The following ATG2B variants were observed in gnomAD, a reference collection of about 807,000 sequenced individuals.
ATG2B encodes autophagy related 2B, also known as autophagy-related protein 2 homolog B.
In ATG2B, 121 loss-of-function variants were observed where a neutral mutation model predicts 241.3. That is an observed-to-expected ratio of 0.50 (90% CI 0.43 to 0.58). The LOEUF (loss-of-function observed/expected upper bound fraction) is 0.58. Among genes scored for constraint, ATG2B ranks in the 20% least tolerant of loss-of-function variants. ATG2B has a pLI of 0.00. For missense variants in ATG2B, 2,306 were observed against 2,491.6 expected, an observed-to-expected ratio of 0.93 and a Z score of 1.59; for synonymous variants, 858 against 876.6, an observed-to-expected ratio of 0.98 and a Z score of 0.37.
chr14:96,333,969 C>T, intron 7 of ATG2B, 96 bp from the exon 8 acceptor site: 2 of 1,007,534 alleles, frequency 2.0e-6, no homozygotes. Context: ...ACAATGGCAA[C>T]TTAACACCAC....
In ATG2B at chr14:96,295,337, T is replaced by C. The variant is rs146136916; in HGVS notation, c.5218+145A>G. The C allele has an allele frequency of 6.6e-3, 5,425 of 820,834 alleles. 172 individuals carry two copies. The highest frequency in any genetic ancestry group is 0.064 in the South Asian group (3,414 of 53,076). The allele number at this position is 820,834 out of a possible 1,614,324, so 50.8% of individuals were successfully genotyped here. A position where few individuals can be genotyped will look rare whatever the true frequency, so the allele number is the denominator to read the frequency against. On this transcript the variant is annotated intron_variant, in intron 35 of 41. Coordinates refer to ENST00000359933, the MANE Select transcript of ATG2B (RefSeq NM_018036.7). ...TAAATTATTACTTTTATATAAACAG[T>C]ATTCGCGAATCAACAAAAATAAACA...
chr14:96,297,881 T>C (rs1427474495), intron 34 of ATG2B, among the ~76,000 whole-genome samples: 1 of 152,012 alleles, frequency 6.6e-6, no homozygotes, highest in Non-Finnish European at 1.5e-5. Flanking sequence ...AGCCTCCACC[T>C]CCTGAGTTCA....
intron 1 of ATG2B, among the ~76,000 whole-genome samples, chr14:96,352,458 T>C (rs776095664): frequency 5.3e-5 from 8 of 152,096 alleles, no homozygotes; most frequent in Admixed American, 2.0e-4. Context: ...ATTGTTATCA[T>C]AGGAAAGGAC....
At chr14:96,315,655 TCAAAA>T in intron 21 of ATG2B, 72 bp from the exon 22 acceptor site, 1 of 1,245,612 alleles carries the variant, frequency 8.0e-7, no homozygotes, top group South Asian at 1.3e-5. Context: ...CTTACATGAC[TCAAAA>T]CAAAAATCCA....
intron 6 of ATG2B, among the ~76,000 whole-genome samples, chr14:96,334,723 G>A (rs1321417093): frequency 1.3e-5 from 2 of 152,134 alleles, no homozygotes; most frequent in Non-Finnish European, 2.9e-5. Context: ...ATTCCATGCT[G>A]ACGAGTCCAA....
rs1231778639 is a variant in ATG2B at position 96,285,239 on chromosome 14, ATGT to A, written c.*513_*515del. The A allele has an allele frequency of 6.5e-6, 1 of 154,952 alleles. No homozygotes were observed. Among genetic ancestry groups the A allele is most frequent in the East Asian group, 1.9e-4 (1 of 5,294 alleles). The allele number at this position is 154,952 out of a possible 1,614,324, so 9.6% of individuals were successfully genotyped here. A position where few individuals can be genotyped will look rare whatever the true frequency, so the allele number is the denominator to read the frequency against. On this transcript the variant is annotated 3_prime_UTR_variant, in exon 42 of 42. Coordinates refer to ENST00000359933, the MANE Select transcript of ATG2B (RefSeq NM_018036.7). The surrounding 1 kb of genome is among the most constrained non-coding windows in gnomAD (Gnocchi z 4.2). ...AGGATTTTCGGAGTAAATGGAAATA[ATGT>A]TGTTCTCAAGTGCATGAACACTAAA...
At position 96,291,673 on chromosome 14, in the gene ATG2B, C is replaced by T. The variant is rs763089088; in HGVS notation, c.5506G>A (p.Ala1836Thr). ...KHVSMDQGTL[A>T]GILIGLAQLN... ...TGAGCCAGACCAATCAAAATCCCAGCTAGCGTACCCTTCAAAATTAAAAAA... is the reference window on the plus strand; with the variant it reads ...TGAGCCAGACCAATCAAAATCCCAGTTAGCGTACCCTTCAAAATTAAAAAA... The change falls in exon 38 of 42, where the codon GCT becomes ACT. Residue 1836 changes from alanine (A) to threonine (T), a missense_variant. By Grantham distance (58) the Ala-to-Thr change is moderately conservative. Transcript: ENST00000359933. 3.1e-6 allele frequency: 5 copies of T among 1,604,132 alleles called. No individual in the cohort carries two copies. The highest frequency in any genetic ancestry group is 4.3e-6 in the Non-Finnish European group (5 of 1,173,806).
chr14:96,329,570 T>C lies in ATG2B; in HGVS notation c.1795A>G (p.Ser599Gly), dbSNP rs772743485. The C allele has an allele frequency of 6.2e-7, 1 of 1,611,068 alleles. No homozygotes were observed. Among genetic ancestry groups the C allele is most frequent in the Non-Finnish European group, 8.5e-7 (1 of 1,177,454 alleles). ...QRQRSASRYFSTDMSIGQMEF... is the reference protein window; with the variant it reads ...QRQRSASRYFGTDMSIGQMEF... ...ATTTGCCCAATGGACATATCAGTACTAAAATATCGGGAAGCTGATCTTTGT... is the reference window on the plus strand; with the variant it reads ...ATTTGCCCAATGGACATATCAGTACCAAAATATCGGGAAGCTGATCTTTGT... The change falls in exon 12 of 42, where the codon AGT becomes GGT. Residue 599 changes from serine to glycine, a missense_variant. By Grantham distance (56) the Ser-to-Gly change is moderately conservative. Coordinates refer to ENST00000359933, the MANE Select transcript of ATG2B (RefSeq NM_018036.7).
chr14:96,342,728 AAAAAAC>A (rs1888073694), intron 5 of ATG2B, among the ~76,000 whole-genome samples: 1 of 151,814 alleles, frequency 6.6e-6, no homozygotes, highest in Admixed American at 6.6e-5. Flanking sequence ...AAAAAAAAAA[AAAAAAC>A]AAACATAAAT....
chr14:96,348,547 G>A (rs1014189458), intron 1 of ATG2B, among the ~76,000 whole-genome samples: 15 of 151,912 alleles, frequency 9.9e-5, no homozygotes, highest in Admixed American at 9.8e-4. Context: ...GCCAGGCGTG[G>A]TAGGACGTGC....
rs554109314 is a variant in ATG2B, at chr14:96,309,236, A to G, written c.4303+217T>C. 1.8e-3 allele frequency among the ~76,000 whole-genome samples: 281 copies of G among 152,356 alleles called. 1 individual carries two copies. Among genetic ancestry groups the G allele is most frequent in the Non-Finnish European group, 2.8e-3 (190 of 68,032 alleles). ...ACTAGGCTACAAGCTACCAGAAAACATAAGCACTGTCTTCTACTCACTCTG... is the reference window on the plus strand; with the variant it reads ...ACTAGGCTACAAGCTACCAGAAAACGTAAGCACTGTCTTCTACTCACTCTG... On this transcript the variant is annotated intron_variant, in intron 29 of 41. Transcript: ENST00000359933.
Position 96,301,991 on chromosome 14 carries a change from C to A in ATG2B, c.5139+16G>T. ...AATCTAACTGTAACGGCAGGAATCA[C>A]GCTCATGCTACAAACCTGGTCAATA... On this transcript the variant is annotated intron_variant, in intron 34 of 41. Transcript: ENST00000359933. 3 of 1,587,060 alleles carry A rather than the reference C, an allele frequency of 1.9e-6. No individual in the cohort carries two copies. Among genetic ancestry groups the A allele is most frequent in the Non-Finnish European group, 2.6e-6 (3 of 1,157,212 alleles).
At chr14:96,338,042 G>A (rs1276156596) in intron 6 of ATG2B, among the ~76,000 whole-genome samples, 2 of 151,494 alleles carry the variant, frequency 1.3e-5, no homozygotes, top group East Asian at 3.9e-4. Flanking sequence ...TATTTTATTT[G>A]CAGCTATTGT....
chr14:96,355,731 G>T (rs961957336), intron 1 of ATG2B, among the ~76,000 whole-genome samples: 1 of 151,966 alleles, frequency 6.6e-6, no homozygotes, highest in African/African-American at 2.4e-5. Flanking sequence ...CTCAAGGTGT[G>T]CTTGACAATA....
intron 35 of ATG2B, 144 bp from the exon 36 acceptor site, chr14:96,295,311 T>G (rs958712465): frequency 1.4e-5 from 13 of 960,818 alleles, no homozygotes; most frequent in Non-Finnish European, 2.0e-5. Flanking sequence ...CTTTCACCTT[T>G]TAAATTATTA....
Position 96,289,473 on chromosome 14 carries a change from T to C in ATG2B, c.6006+183A>G, listed in dbSNP as rs1268543457. On this transcript the variant is annotated intron_variant, in intron 41 of 41. Transcript: ENST00000359933. This position sits in a 1 kb window ranked among gnomAD's most constrained non-coding sequence, Gnocchi z 4.3. ...AATCACTAGTATTCCTGTCAGCCTATTGGTCCCAGACTGGCCCTTTTCCAT... is the reference window on the plus strand; with the variant it reads ...AATCACTAGTATTCCTGTCAGCCTACTGGTCCCAGACTGGCCCTTTTCCAT... 3.6e-5 allele frequency: 23 copies of C among 637,526 alleles called. No homozygotes were observed. Among genetic ancestry groups the C allele is most frequent in the Non-Finnish European group, 5.1e-5 (19 of 373,332 alleles). 39.5% of individuals were successfully genotyped at this position (637,526 alleles called of 1,614,324 possible).
At chr14:96,329,933 C>T (rs1238259900) in intron 11 of ATG2B, among the ~76,000 whole-genome samples, 2 of 151,836 alleles carry the variant, frequency 1.3e-5, no homozygotes, top group African/African-American at 2.4e-5. Context: ...TATCTAAAAA[C>T]ATTATGCAAT....
chr14:96,335,032 C>T (rs1323695478), intron 6 of ATG2B, among the ~76,000 whole-genome samples: 1 of 152,180 alleles, frequency 6.6e-6, no homozygotes, highest in Non-Finnish European at 1.5e-5. Flanking sequence ...AAGGGGACGC[C>T]ACTACAGAAA....
intron 32 of ATG2B, 113 bp from the exon 33 acceptor site, chr14:96,303,368 A>C (rs543240621): frequency 2.4e-6 from 2 of 827,482 alleles, no homozygotes; most frequent in Non-Finnish European, 3.4e-6. Context: ...ATTCTACCTC[A>C]GCTTACAATT....
Sources: allele counts gnomAD v4.1 joint callset (sites outside exome capture counted in the v4.1 genomes callset), GRCh38; gene constraint gnomAD v4.1.1; non-coding constraint Gnocchi (gnomAD v3.1); transcripts MANE v1.5; gene names NCBI Gene and HGNC (gene_info 2026-07-23, HGNC 2026-07-21).